PLEKHH1: variants seen among roughly 807,000 people sequenced by gnomAD.
The protein encoded by PLEKHH1 is pleckstrin homology domain-containing family H member 1.
Under a neutral mutation model 160.0 loss-of-function variants are expected in PLEKHH1, and 104 were observed. The observed-to-expected ratio is 0.65, with a 90% CI of 0.55 to 0.76. The LOEUF (loss-of-function observed/expected upper bound fraction) is 0.76. PLEKHH1 is among the 30% of genes least tolerant of loss of function. PLEKHH1 has a pLI of 0.00. For missense variants in PLEKHH1, 1,427 were observed against 1,724.1 expected, an observed-to-expected ratio of 0.83 and a Z score of 3.05; for synonymous variants, 619 against 678.4, an observed-to-expected ratio of 0.91 and a Z score of 1.36.
intron 26 of PLEKHH1, among the ~76,000 whole-genome samples, chr14:67,584,917 TG>T (rs1852238413): frequency 6.6e-6 from 1 of 152,254 alleles, no homozygotes; most frequent in Non-Finnish European, 1.5e-5. Flanking sequence ...CCACTTGGTC[TG>T]GGAGCTTAGG....
rs756027391 is a variant in PLEKHH1, at chr14:67,581,051, G to T, written c.3284+13G>T. ...TGTACAAGAACAGGTCCTAAGCACT[G>T]CACGAGGGTGGGGCCAAACACAAGG... On this transcript the variant is annotated intron_variant, in intron 23 of 28. Transcript: ENST00000329153. The T allele has an allele frequency of 6.4e-7, 1 of 1,551,782 alleles. No homozygotes were observed. Among genetic ancestry groups the T allele is most frequent in the East Asian group, 2.2e-5 (1 of 44,614 alleles).
At chr14:67,579,924 A>G (rs1189257019) in intron 22 of PLEKHH1, 48 bp downstream of exon 22, 1 of 1,529,658 alleles carries the variant, frequency 6.5e-7, no homozygotes, top group South Asian at 1.2e-5. Context: ...GCTCAGGGAT[A>G]TTGGTGGTGG....
At position 67,588,692 on chromosome 14, in the gene PLEKHH1, G is replaced by A. The variant is rs1406320839; in HGVS notation, c.*1457G>A. Reference sequence around the variant, plus strand: ...CTGAGTTTTATTTCCTAGCTCTAAGGCAGCCTTACTATATGTCAGTAAAGT... The same window carrying A: ...CTGAGTTTTATTTCCTAGCTCTAAGACAGCCTTACTATATGTCAGTAAAGT... On this transcript the variant is annotated 3_prime_UTR_variant, in exon 29 of 29. Coordinates refer to ENST00000329153, the MANE Select transcript of PLEKHH1 (RefSeq NM_020715.3). 1.3e-5 allele frequency: 2 copies of A among 152,360 alleles called. No individual in the cohort carries two copies. 9.4% of individuals were successfully genotyped at this position (152,360 alleles called of 1,614,324 possible). A position where few individuals can be genotyped will look rare whatever the true frequency, so the allele number is the denominator to read the frequency against.
Position 67,562,585 on chromosome 14 carries a change from T to C in PLEKHH1, c.954T>C (p.Pro318=). The C allele has an allele frequency of 6.2e-7, 1 of 1,612,800 alleles. No individual in the cohort carries two copies. The highest frequency in any genetic ancestry group is 1.1e-5 in the South Asian group (1 of 90,894). The change falls in exon 7 of 29, where the codon CCT becomes CCC. Residue 318 remains proline, a synonymous_variant. Coordinates refer to ENST00000329153, the MANE Select transcript of PLEKHH1 (RefSeq NM_020715.3). ...TGACCCTACCAAAGGTGCGGGCTCC[T>C]GGCACCCCGCGGGACAGCATCCAGT... ...SSLTLPKVRA[P]GTPRDSIQLA...
chr14:67,540,250 T>C (rs905009196), intron 1 of PLEKHH1, among the ~76,000 whole-genome samples: 2 of 152,228 alleles, frequency 1.3e-5, no homozygotes, highest in Admixed American at 6.5e-5. Context: ...ACTTACCTCT[T>C]ACCTTGAAGT....
intron 23 of PLEKHH1, among the ~76,000 whole-genome samples, chr14:67,581,327 C>T (rs2035889146): frequency 6.6e-6 from 1 of 152,010 alleles, no homozygotes; most frequent in African/African-American, 2.4e-5. Flanking sequence ...ACAGACCAGA[C>T]CACCCTGGGC....
At chr14:67,569,323 C>T in intron 8 of PLEKHH1, 107 bp downstream of exon 8, 1 of 721,252 alleles carries the variant, frequency 1.4e-6, no homozygotes, top group Non-Finnish European at 2.4e-6. Context: ...GTTGGCTGGC[C>T]TACCCTGTTC....
intron 28 of PLEKHH1, chr14:67,586,325 G>A: frequency 7.5e-7 from 1 of 1,341,764 alleles, no homozygotes; most frequent in Non-Finnish European, 1.0e-6. Flanking sequence ...CTCTGGCCTA[G>A]CTACTATTAT....
Position 67,562,744 on chromosome 14 carries a change from G to A in PLEKHH1, c.1113G>A (p.Arg371=), listed in dbSNP as rs751673320. Residue 371 remains arginine (R), a synonymous_variant, in exon 7 of 29, where the codon CGG becomes CGA. Transcript: ENST00000329153. ...LPELESRARS[R]EEPEKMEMEE... ...AGCTGGAGTCCCGAGCTAGGTCCCGGGAGGAACCAGAGAAGATGGAGATGG... is the reference window on the plus strand; with the variant it reads ...AGCTGGAGTCCCGAGCTAGGTCCCGAGAGGAACCAGAGAAGATGGAGATGG... 1 of 1,613,788 alleles carries A rather than the reference G, an allele frequency of 6.2e-7. No homozygotes were observed. Among genetic ancestry groups the A allele is most frequent in the Non-Finnish European group, 8.5e-7 (1 of 1,179,842 alleles).
At chr14:67,564,110 C>G (rs1011538654) in intron 7 of PLEKHH1, among the ~76,000 whole-genome samples, 3 of 151,724 alleles carry the variant, frequency 2.0e-5, no homozygotes, top group African/African-American at 7.3e-5. Flanking sequence ...ACCATGTTAG[C>G]CAGGATGGTC....
chr14:67,565,973 A>G (rs920550414), intron 7 of PLEKHH1, among the ~76,000 whole-genome samples: 7 of 152,052 alleles, frequency 4.6e-5, no homozygotes, highest in African/African-American at 1.4e-4. Flanking sequence ...TACAAAAATT[A>G]TTTGGGCATG....
chr14:67,560,308 G>A (rs1332099245), intron 5 of PLEKHH1, among the ~76,000 whole-genome samples: 1 of 152,090 alleles, frequency 6.6e-6, no homozygotes, highest in Non-Finnish European at 1.5e-5. Flanking sequence ...ATTAAAGGAG[G>A]GAACCACCGT....
At chr14:67,554,955 C>T (rs2034535578) in intron 2 of PLEKHH1, among the ~76,000 whole-genome samples, 1 of 152,194 alleles carries the variant, frequency 6.6e-6, no homozygotes, top group Admixed American at 6.5e-5. Context: ...CTGTGTCACC[C>T]AGGCTGGAGT....
At chr14:67,556,642 A>T (rs1364532232) in intron 3 of PLEKHH1, among the ~76,000 whole-genome samples, 1 of 152,194 alleles carries the variant, frequency 6.6e-6, no homozygotes, top group Admixed American at 6.5e-5. Context: ...GGTCCCAGCT[A>T]CTTGGGAGGC....
intron 18 of PLEKHH1, 59 bp from the exon 19 acceptor site, chr14:67,577,964 T>G: frequency 1.3e-6 from 2 of 1,519,774 alleles, no homozygotes; most frequent in Non-Finnish European, 9.0e-7. Context: ...GCCAAGCCGT[T>G]GAGTTCTCTG....
Position 67,573,799 on chromosome 14 carries a change from A to G in PLEKHH1, c.1840-2A>G, listed in dbSNP as rs765959102. 6.2e-7 allele frequency: 1 copy of G among 1,604,428 alleles called. No homozygotes were observed. The highest frequency in any genetic ancestry group is 8.5e-7 in the Non-Finnish European group (1 of 1,171,122). Reference sequence around the variant, plus strand: ...CTCTCCTCTCCAATACTTTCTTTACAGAGTGATGTCATCCGGAAACCTCAA... The same window carrying G: ...CTCTCCTCTCCAATACTTTCTTTACGGAGTGATGTCATCCGGAAACCTCAA... On this transcript the variant is annotated splice_acceptor_variant, in intron 12 of 28. Coordinates refer to ENST00000329153, the MANE Select transcript of PLEKHH1 (RefSeq NM_020715.3). LOFTEE classifies it high-confidence loss of function. This position sits in a 1 kb window ranked among gnomAD's most constrained non-coding sequence, Gnocchi z 4.8.
chr14:67,552,762 G>A (rs61988247), intron 2 of PLEKHH1, among the ~76,000 whole-genome samples: 10,173 of 107,152 alleles, frequency 0.095, 396 homozygotes, highest in East Asian at 0.15. Context: ...GCAAGACTCT[G>A]TCTCAAAAAA....
In PLEKHH1 at chr14:67,562,814, A is replaced by C. The variant is rs1481855263; in HGVS notation, c.1183A>C (p.Lys395Gln). 6 of 1,613,728 alleles carry C rather than the reference A, an allele frequency of 3.7e-6. No homozygotes were observed. Among genetic ancestry groups the C allele is most frequent in the Non-Finnish European group, 4.2e-6 (5 of 1,179,848 alleles). Residue 395 changes from lysine to glutamine, a missense_variant, in exon 7 of 29, where the codon AAG (lysine) becomes CAG (glutamine). Transcript: ENST00000329153. The stretch of plus-strand genomic sequence containing the variant: ...GAAGAATGAGGAAAGAGAGAGCCCA[A>C]AGGCCCTTGGAGCTGAGCTGGAGGA... ...AGKNEERESPKALGAELEEVE... is the reference protein window; with the variant it reads ...AGKNEERESPQALGAELEEVE...
At chr14:67,577,231 G>A (rs768276580) in intron 17 of PLEKHH1, 71 bp from the exon 18 acceptor site, 2 of 919,316 alleles carry the variant, frequency 2.2e-6, no homozygotes, top group Middle Eastern at 2.1e-4. Flanking sequence ...AATTAAAGAT[G>A]GCGGTGAGTG....
Sources: allele counts gnomAD v4.1 joint callset (sites outside exome capture counted in the v4.1 genomes callset), GRCh38; gene constraint gnomAD v4.1.1; non-coding constraint Gnocchi (gnomAD v3.1); transcripts MANE v1.5; gene names NCBI Gene and HGNC (gene_info 2026-07-23, HGNC 2026-07-21).